The following GALNTL6 variants were observed in gnomAD, a reference collection of about 807,000 sequenced individuals.
The protein encoded by GALNTL6 is polypeptide N-acetylgalactosaminyltransferase-like 6.
GALNTL6 carries 46 observed loss-of-function variants against 73.7 expected under a neutral mutation model. The observed-to-expected ratio is 0.62, with a 90% CI of 0.49 to 0.80. The LOEUF (loss-of-function observed/expected upper bound fraction) is 0.80, where lower values mean the gene tolerates loss of function less well. Ranked by LOEUF, GALNTL6 falls within the 30% of genes least tolerant of loss-of-function variation. GALNTL6 has a pLI of 0.00. For missense variants in GALNTL6, 604 were observed against 755.0 expected (o/e 0.80, Z 2.34); for synonymous variants, 259 against 263.7 (o/e 0.98, Z 0.17).
chr4:172,308,003 C>CTTTTTTATTTTT (rs1740206769), intron 3 of GALNTL6, among the ~76,000 whole-genome samples: 1 of 34,588 alleles, frequency 2.9e-5, no homozygotes, highest in Non-Finnish European at 5.0e-5. Context: ...TGTGTTTTAA[C>CTTTTTTATTTTT]TTTTTTTTTT....
At chr4:171,983,905 T>C (rs1739989556) in intron 2 of GALNTL6, among the ~76,000 whole-genome samples, 1 of 152,086 alleles carries the variant, frequency 6.6e-6, no homozygotes, top group Non-Finnish European at 1.5e-5. Flanking sequence ...GGAAAGGAAG[T>C]ATACATATGC....
chr4:172,802,457 T>G (rs1740703724), intron 5 of GALNTL6, among the ~76,000 whole-genome samples: 1 of 152,126 alleles, frequency 6.6e-6, no homozygotes, highest in Non-Finnish European at 1.5e-5. Context: ...CAAGTTGTAT[T>G]GAGAGTCTAA....
At chr4:172,788,950 GA>G (rs1018106620) in intron 5 of GALNTL6, among the ~76,000 whole-genome samples, 1 of 152,078 alleles carries the variant, frequency 6.6e-6, no homozygotes. Flanking sequence ...ACACTGTATT[GA>G]AAAAAATTAT....
At chr4:172,141,782 G>A (rs1733804121) in intron 2 of GALNTL6, among the ~76,000 whole-genome samples, 1 of 151,754 alleles carries the variant, frequency 6.6e-6, no homozygotes. Context: ...AGAGACATTG[G>A]GAGTTCCCAG....
chr4:172,793,299 T>C (rs893277314), intron 5 of GALNTL6, among the ~76,000 whole-genome samples: 41 of 152,194 alleles, frequency 2.7e-4, no homozygotes, highest in African/African-American at 8.7e-4. Context: ...AGGGATTTGA[T>C]CTAGCACAAG....
chr4:172,147,493 T>C (rs913992982), intron 2 of GALNTL6, among the ~76,000 whole-genome samples: 3 of 152,214 alleles, frequency 2.0e-5, no homozygotes, highest in Non-Finnish European at 4.4e-5. Flanking sequence ...ATATGTGAAG[T>C]ACATAACGTG....
chr4:172,019,163 G>A (rs1375100478), intron 2 of GALNTL6, among the ~76,000 whole-genome samples: 1 of 152,080 alleles, frequency 6.6e-6, no homozygotes, highest in Non-Finnish European at 1.5e-5. Flanking sequence ...GTACACTCCT[G>A]CAATGGTTTT....
chr4:172,434,336 A>C (rs1731561744), intron 5 of GALNTL6, among the ~76,000 whole-genome samples: 1 of 152,100 alleles, frequency 6.6e-6, no homozygotes, highest in South Asian at 2.1e-4. Flanking sequence ...CACCAATTAG[A>C]TGTCTCTACA....
At chr4:172,389,734 A>C (rs937655478) in intron 5 of GALNTL6, among the ~76,000 whole-genome samples, 1 of 152,138 alleles carries the variant, frequency 6.6e-6, no homozygotes, top group Non-Finnish European at 1.5e-5. Flanking sequence ...AATATGACTT[A>C]AGTAACAATA....
chr4:172,084,605 T>G (rs1281280666), intron 2 of GALNTL6, among the ~76,000 whole-genome samples: 1 of 152,168 alleles, frequency 6.6e-6, no homozygotes, highest in African/African-American at 2.4e-5. Flanking sequence ...AATCAAAGGA[T>G]TTGTTCTTTG....
At chr4:172,841,152 C>A (rs1206076803) in intron 7 of GALNTL6, among the ~76,000 whole-genome samples, 1 of 152,150 alleles carries the variant, frequency 6.6e-6, no homozygotes, top group Non-Finnish European at 1.5e-5. Context: ...AAACTCTGCC[C>A]TTAGCTTTCT....
At chr4:172,813,411 T>C in intron 6 of GALNTL6, 129 bp from the exon 7 acceptor site, 1 of 625,928 alleles carries the variant, frequency 1.6e-6, no homozygotes, top group Non-Finnish European at 2.7e-6. Context: ...AAAAGGGCTC[T>C]AAGGAGGACA....
intron 2 of GALNTL6, among the ~76,000 whole-genome samples, chr4:171,897,892 A>G (rs1736974024): frequency 6.6e-6 from 1 of 150,844 alleles, no homozygotes; most frequent in East Asian, 2.0e-4. Context: ...GTGCCACTGC[A>G]CTCCAGCCTG....
intron 2 of GALNTL6, among the ~76,000 whole-genome samples, chr4:172,003,393 G>C (rs1013716145): frequency 2.0e-5 from 3 of 151,982 alleles, no homozygotes; most frequent in Admixed American, 6.6e-5. Context: ...AGTTAGAACA[G>C]AAAAAAACTT....
intron 3 of GALNTL6, among the ~76,000 whole-genome samples, chr4:172,295,064 G>A (rs1180663159): frequency 6.6e-6 from 1 of 151,934 alleles, no homozygotes; most frequent in Non-Finnish European, 1.5e-5. Flanking sequence ...ATATTACATA[G>A]TGCTTTCGTT....
At chr4:171,831,665 AT>A (rs1015158323) in intron 2 of GALNTL6, among the ~76,000 whole-genome samples, 1 of 151,924 alleles carries the variant, frequency 6.6e-6, no homozygotes, top group African/African-American at 2.4e-5. Context: ...GTTCAGAAGT[AT>A]TAGAGGGAGT....
At chr4:171,929,838 A>T (rs1357315316) in intron 2 of GALNTL6, among the ~76,000 whole-genome samples, 1 of 152,206 alleles carries the variant, frequency 6.6e-6, no homozygotes, top group South Asian at 2.1e-4. Context: ...CAGCGAATCC[A>T]GCAGCAGCCC....
intron 2 of GALNTL6, among the ~76,000 whole-genome samples, chr4:171,873,534 C>A (rs1461230265): frequency 1.3e-5 from 2 of 152,138 alleles, no homozygotes; most frequent in Non-Finnish European, 2.9e-5. Context: ...GTGTGGAAGG[C>A]AAGGGTGTAA....
chr4:172,481,363 C>A (rs473662), intron 5 of GALNTL6, among the ~76,000 whole-genome samples: 5 of 121,606 alleles, frequency 4.1e-5, no homozygotes, highest in East Asian at 6.5e-4. Context: ...GAGTGAGCAC[C>A]AGCAAGACGT....
Sources: gnomAD v4.1 joint callset for allele counts (sites outside exome capture counted in the v4.1 genomes callset) on GRCh38, gnomAD v4.1.1 for gene constraint, MANE v1.5 for transcripts, NCBI Gene and HGNC (gene_info 2026-07-23, HGNC 2026-07-21) for gene names.